CCSER1: variants seen among roughly 807,000 people sequenced by gnomAD.
The protein encoded by CCSER1 is coiled-coil serine rich protein 1.
A neutral mutation model predicts 82.0 loss-of-function variants in CCSER1; 41 were observed. The ratio of observed to expected loss-of-function variants is 0.50; its 90% confidence interval spans 0.39 to 0.65. The LOEUF (loss-of-function observed/expected upper bound fraction) is 0.65. Ranked by LOEUF, CCSER1 falls within the 30% of genes least tolerant of loss-of-function variation. CCSER1 has a pLI of 0.00. For synonymous variants in CCSER1, 414 were observed against 383.9 expected, an observed-to-expected ratio of 1.08 and a Z score of -0.92; for missense variants, 1,119 against 1,064.2, an observed-to-expected ratio of 1.05 and a Z score of -0.72.
At chr4:90,848,745 G>C (rs1763500015) in intron 8 of CCSER1, among the ~76,000 whole-genome samples, 1 of 152,188 alleles carries the variant, frequency 6.6e-6, no homozygotes, top group Admixed American at 6.5e-5. Flanking sequence ...GACAGGACCA[G>C]GTGGAGATAA....
At chr4:90,918,394 A>G in intron 8 of CCSER1, 2 of 384,774 alleles carry the variant, frequency 5.2e-6, no homozygotes, top group Non-Finnish European at 1.0e-5. Flanking sequence ...TTTTTATTTC[A>G]GCTCGTTTTA....
intron 5 of CCSER1, among the ~76,000 whole-genome samples, chr4:90,491,189 T>C (rs1056000624): frequency 6.6e-6 from 1 of 152,000 alleles, no homozygotes; most frequent in African/African-American, 2.4e-5. Context: ...GTCGTCTTGT[T>C]TCCTTGAGCA....
intron 6 of CCSER1, among the ~76,000 whole-genome samples, chr4:90,710,620 G>C (rs1228640857): frequency 6.6e-6 from 1 of 152,030 alleles, no homozygotes; most frequent in Non-Finnish European, 1.5e-5. Flanking sequence ...TGTCAGCTTT[G>C]TTGAAGATCA....
intron 5 of CCSER1, among the ~76,000 whole-genome samples, chr4:90,614,343 T>C (rs532229742): frequency 6.6e-6 from 1 of 152,262 alleles, no homozygotes; most frequent in South Asian, 2.1e-4. Context: ...TACAATGCCC[T>C]GTAGATGTTC....
intron 4 of CCSER1, among the ~76,000 whole-genome samples, chr4:90,419,805 T>G (rs1158231842): frequency 6.6e-6 from 1 of 151,960 alleles, no homozygotes; most frequent in Non-Finnish European, 1.5e-5. Flanking sequence ...ATCTAAACTC[T>G]TATTTATTCT....
intron 1 of CCSER1, among the ~76,000 whole-genome samples, chr4:90,245,098 A>G (rs1168311118): frequency 6.6e-6 from 1 of 152,138 alleles, no homozygotes; most frequent in East Asian, 1.9e-4. Context: ...ATGCACAACA[A>G]ATGTAGCTTC....
chr4:90,231,961 G>A, intron 1 of CCSER1, among the ~76,000 whole-genome samples: 1 of 150,670 alleles, frequency 6.6e-6, no homozygotes, highest in Non-Finnish European at 1.5e-5. Context: ...CACTGCTCAA[G>A]GAAATAAAAG....
At chr4:90,731,369 T>A (rs1192479129) in intron 7 of CCSER1, among the ~76,000 whole-genome samples, 6 of 152,184 alleles carry the variant, frequency 3.9e-5, no homozygotes, top group Admixed American at 3.9e-4. Context: ...TGGCAGACGA[T>A]GTTGGTTTTG....
At chr4:90,516,091 G>T (rs1017052912) in intron 5 of CCSER1, among the ~76,000 whole-genome samples, 4 of 152,104 alleles carry the variant, frequency 2.6e-5, no homozygotes, top group African/African-American at 4.8e-5. Context: ...AAAGAATGAG[G>T]TATTATAACA....
At chr4:90,502,965 G>A (rs1038728648) in intron 5 of CCSER1, among the ~76,000 whole-genome samples, 5 of 151,994 alleles carry the variant, frequency 3.3e-5, no homozygotes, top group South Asian at 2.1e-4. Context: ...AGATGACTTC[G>A]GAGAGATGCC....
At chr4:90,588,400 C>G (rs1450079002) in intron 5 of CCSER1, among the ~76,000 whole-genome samples, 1 of 152,194 alleles carries the variant, frequency 6.6e-6, no homozygotes, top group African/African-American at 2.4e-5. Flanking sequence ...GATTTAATCT[C>G]AAGAAAACAT....
chr4:90,240,769 C>T (rs1379887592), intron 1 of CCSER1, among the ~76,000 whole-genome samples: 1 of 152,098 alleles, frequency 6.6e-6, no homozygotes, highest in African/African-American at 2.4e-5. Context: ...TTCAGGTGCC[C>T]AATTTTAGCC....
chr4:91,100,191 A>AAC (rs1724918119), intron 10 of CCSER1, among the ~76,000 whole-genome samples: 1 of 63,562 alleles, frequency 1.6e-5, no homozygotes, highest in Admixed American at 1.4e-4. Context: ...TGGGCAAGAT[A>AAC]AAAAAAAAAT....
intron 8 of CCSER1, among the ~76,000 whole-genome samples, chr4:90,905,824 G>C (rs1725390969): frequency 1.3e-5 from 2 of 152,090 alleles, no homozygotes; most frequent in Admixed American, 1.3e-4. Context: ...TCAGGAGTTG[G>C]ACTCTAAAAG....
At chr4:90,611,555 ATT>A (rs577898626) in intron 5 of CCSER1, among the ~76,000 whole-genome samples, 1 of 145,248 alleles carries the variant, frequency 6.9e-6, no homozygotes, top group African/African-American at 2.5e-5. Flanking sequence ...ACTGAAACAC[ATT>A]TTTTTTTTTC....
At chr4:90,501,896 T>C (rs1443060949) in intron 5 of CCSER1, among the ~76,000 whole-genome samples, 1 of 152,194 alleles carries the variant, frequency 6.6e-6, no homozygotes, top group African/African-American at 2.4e-5. Context: ...AATAAATTTA[T>C]CATCTTTTAT....
chr4:91,221,984 A>G (rs1159018025), intron 10 of CCSER1, among the ~76,000 whole-genome samples: 2 of 152,080 alleles, frequency 1.3e-5, no homozygotes, highest in Non-Finnish European at 2.9e-5. Flanking sequence ...TTCTGAATCT[A>G]TTAAATATAT....
chr4:90,217,651 T>G (rs1741324508), intron 1 of CCSER1, among the ~76,000 whole-genome samples: 1 of 152,106 alleles, frequency 6.6e-6, no homozygotes, highest in Non-Finnish European at 1.5e-5. Flanking sequence ...GTGGTGAGAG[T>G]AGGCATTTTT....
At chr4:91,558,698 T>G (rs112467125) in intron 10 of CCSER1, among the ~76,000 whole-genome samples, 10,605 of 151,480 alleles carry the variant, frequency 0.07, 556 homozygotes, top group South Asian at 0.16. Context: ...AGAAGCAAAG[T>G]TGGAAACCCC....
Sources: gnomAD v4.1 joint callset for allele counts (sites outside exome capture counted in the v4.1 genomes callset) on GRCh38, gnomAD v4.1.1 for gene constraint, MANE v1.5 for transcripts, NCBI Gene and HGNC (gene_info 2026-07-23, HGNC 2026-07-21) for gene names.